Variants in CACNG2 observed in about 807,000 individuals in gnomAD.
CACNG2 encodes calcium voltage-gated channel auxiliary subunit gamma 2, also known as voltage-dependent calcium channel gamma-2 subunit.
Under a neutral mutation model 25.9 loss-of-function variants are expected in CACNG2, and 3 were observed. The ratio of observed to expected loss-of-function variants is 0.12; its 90% CI spans 0.05 to 0.30. The LOEUF is 0.30. CACNG2 is among the 10% of genes least tolerant of loss of function. CACNG2 has a pLI of 1.00. For missense variants in CACNG2, 341 were observed against 432.5 expected (o/e 0.79, Z 1.88); for synonymous variants, 167 against 173.3 (o/e 0.96, Z 0.29).
At chr22:36,612,442 C>T (rs976566662) in intron 1 of CACNG2, among the ~76,000 whole-genome samples, 1 of 152,212 alleles carries the variant, frequency 6.6e-6, no homozygotes, top group Admixed American at 6.5e-5. Flanking sequence ...TAATCTTCTA[C>T]TCTGCCTGGA....
intron 1 of CACNG2, among the ~76,000 whole-genome samples, chr22:36,642,108 G>A (rs1936449890): frequency 6.6e-6 from 1 of 152,114 alleles, no homozygotes; most frequent in Admixed American, 6.5e-5. Context: ...AGCTGATTCT[G>A]ACTTGGGAGG....
intron 1 of CACNG2, among the ~76,000 whole-genome samples, chr22:36,694,898 C>T (rs776618548): frequency 9.2e-5 from 14 of 152,034 alleles, no homozygotes; most frequent in South Asian, 2.1e-4. Flanking sequence ...TTCAGATCGG[C>T]GTGGAAGCAA....
chr22:36,613,723 T>C (rs1440764012), intron 1 of CACNG2, among the ~76,000 whole-genome samples: 2 of 152,114 alleles, frequency 1.3e-5, no homozygotes, highest in Non-Finnish European at 2.9e-5. Context: ...CTTCTTTCCC[T>C]TGAGTTCTTG....
rs182920490 is a variant in CACNG2, at chr22:36,697,360, T to C, written c.211+5006A>G. On this transcript the variant is annotated intron_variant, in intron 1 of 3. Transcript: ENST00000300105. Reference sequence around the variant, plus strand: ...GATGCTCAACAAGACACAGACCAGATGTAACAGTGCTTATTAGTGGATATA... The same window carrying C: ...GATGCTCAACAAGACACAGACCAGACGTAACAGTGCTTATTAGTGGATATA... 2.7e-3 allele frequency among the ~76,000 whole-genome samples: 415 copies of C among 152,286 alleles called. 4 individuals carry two copies. Among genetic ancestry groups the C allele is most frequent in the African/African-American group, 9.5e-3 (395 of 41,542 alleles).
chr22:36,576,977 G>A (rs1048422266), intron 2 of CACNG2, among the ~76,000 whole-genome samples: 3 of 152,154 alleles, frequency 2.0e-5, no homozygotes, highest in African/African-American at 4.8e-5. Flanking sequence ...GCAGGATGCC[G>A]GATACATCCC....
rs115820133 is a variant in CACNG2, at chr22:36,577,985, G to A, written c.295+9480C>T. The stretch of plus-strand genomic sequence containing the variant: ...AGGGTGCAGTCCCAGAAAGTGTGCC[G>A]GGCTGGGGCAGGTCATTTTCCCTCT... On this transcript the variant is annotated intron_variant, in intron 2 of 3. Transcript: ENST00000300105. Among the ~76,000 whole-genome samples the A allele has an allele frequency of 9.8e-3, 1,486 of 152,182 alleles. 24 individuals are homozygous for A. The highest frequency in any genetic ancestry group is 0.034 in the African/African-American group (1,402 of 41,492).
At chr22:36,605,079 A>G (rs1022309125) in intron 1 of CACNG2, among the ~76,000 whole-genome samples, 3 of 152,178 alleles carry the variant, frequency 2.0e-5, no homozygotes, top group African/African-American at 4.8e-5. Flanking sequence ...TTGGCCCAAC[A>G]TAACTTTTTT....
chr22:36,655,067 G>T (rs1462482730), intron 1 of CACNG2, among the ~76,000 whole-genome samples: 1 of 152,100 alleles, frequency 6.6e-6, no homozygotes, highest in African/African-American at 2.4e-5. Context: ...GGGAATTTTG[G>T]CGTTTGCTGG....
chr22:36,623,012 G>GTTTTT (rs1260485985), intron 1 of CACNG2, among the ~76,000 whole-genome samples: 4 of 45,716 alleles, frequency 8.7e-5, no homozygotes, highest in Non-Finnish European at 1.5e-4. Context: ...CAAAACATGG[G>GTTTTT]TTTTTTTTTT....
chr22:36,612,903 A>G lies in CACNG2; in HGVS notation c.212-25355T>C, dbSNP rs148104207. On this transcript the variant is annotated intron_variant, in intron 1 of 3. Transcript: ENST00000300105. ...TGCAGGTATTTCATCCATTAGACAC[A>G]TCCTTTCCCGCTAATGCTGTGATTT... Among the ~76,000 whole-genome samples the G allele has an allele frequency of 2.7e-3, 404 of 152,276 alleles. 1 individual carries two copies. Among genetic ancestry groups the G allele is most frequent in the African/African-American group, 9.3e-3 (387 of 41,540 alleles).
chr22:36,635,384 G>A (rs1369191515), intron 1 of CACNG2, among the ~76,000 whole-genome samples: 1 of 151,996 alleles, frequency 6.6e-6, no homozygotes, highest in Non-Finnish European at 1.5e-5. Context: ...GGTATTCATT[G>A]CTAACCATGT....
intron 1 of CACNG2, among the ~76,000 whole-genome samples, chr22:36,670,672 C>T (rs1263934945): frequency 6.6e-6 from 1 of 151,858 alleles, no homozygotes; most frequent in Non-Finnish European, 1.5e-5. Context: ...CCCTCTGTTG[C>T]CCAGGCTGGA....
chr22:36,620,442 T>G (rs1485014385), intron 1 of CACNG2, among the ~76,000 whole-genome samples: 1 of 152,240 alleles, frequency 6.6e-6, no homozygotes, highest in Non-Finnish European at 1.5e-5. Context: ...AGGATTCTAA[T>G]GGTATTTTTT....
rs988049581 is a variant in CACNG2, at chr22:36,576,464, A to G, written c.296-9971T>C. Among the ~76,000 whole-genome samples the G allele has an allele frequency of 9.2e-5, 14 of 152,166 alleles. 1 individual carries two copies. The highest frequency in any genetic ancestry group is 3.4e-4 in the African/African-American group (14 of 41,510). On this transcript the variant is annotated intron_variant, in intron 2 of 3. Transcript: ENST00000300105. ...GATGATGGGTGCACCACAATCTCACAAATCACCACTGAAGAACTAACTCAT... is the reference window on the plus strand; with the variant it reads ...GATGATGGGTGCACCACAATCTCACGAATCACCACTGAAGAACTAACTCAT...
At chr22:36,592,549 C>T (rs1036625380) in intron 1 of CACNG2, among the ~76,000 whole-genome samples, 8 of 152,174 alleles carry the variant, frequency 5.3e-5, no homozygotes, top group African/African-American at 1.9e-4. Context: ...TTTCTATATA[C>T]ATCGAGTATA....
chr22:36,567,513 A>G (rs560501513), intron 2 of CACNG2, among the ~76,000 whole-genome samples: 1 of 152,098 alleles, frequency 6.6e-6, no homozygotes, highest in Non-Finnish European at 1.5e-5. Flanking sequence ...GACAAACAGG[A>G]CCGGAGAAGA....
intron 2 of CACNG2, among the ~76,000 whole-genome samples, chr22:36,572,006 G>A (rs1455117395): frequency 6.6e-6 from 1 of 152,076 alleles, no homozygotes; most frequent in Non-Finnish European, 1.5e-5. Context: ...ATCAGTCCAG[G>A]CATAACTTCC....
chr22:36,642,166 G>T (rs922408226), intron 1 of CACNG2, among the ~76,000 whole-genome samples: 2 of 152,192 alleles, frequency 1.3e-5, no homozygotes, highest in African/African-American at 2.4e-5. Context: ...GGAGGAGGTT[G>T]GGGAGAGAGG....
Position 36,564,226 on chromosome 22 carries a change from G to GTTTTTTTTGTTTTTTGTTTTTTTT in CACNG2, c.*124_*125insAAAAAAAACAAAAAACAAAAAAAA. The GTTTTTTTTGTTTTTTGTTTTTTTT allele has an allele frequency of 1.3e-6, 1 of 767,464 alleles. No individual in the cohort carries two copies. Among genetic ancestry groups the GTTTTTTTTGTTTTTTGTTTTTTTT allele is most frequent in the Non-Finnish European group, 1.9e-6 (1 of 517,034 alleles). The allele number at this position is 767,464 out of a possible 1,614,324, so 47.5% of individuals were successfully genotyped here. A position where few individuals can be genotyped will look rare whatever the true frequency, so the allele number is the denominator to read the frequency against. On this transcript the variant is annotated 3_prime_UTR_variant, in exon 4 of 4. Transcript: ENST00000300105. This position sits in a 1 kb window ranked among gnomAD's most constrained non-coding sequence, Gnocchi z 6.7. ...GTGTTTTTTTGTTTTTTGTTTTTTT[G>GTTTTTTTTGTTTTTTGTTTTTTTT]TTTTTTTTGTTTTTTGTTTTTGCTT...
Sources: gnomAD v4.1 joint callset for allele counts (sites outside exome capture counted in the v4.1 genomes callset) on GRCh38, gnomAD v4.1.1 for gene constraint, Gnocchi (gnomAD v3.1) non-coding constraint, MANE v1.5 for transcripts, NCBI Gene and HGNC (gene_info 2026-07-23, HGNC 2026-07-21) for gene names.